The following RORB variants were observed in gnomAD, a reference collection of about 807,000 sequenced individuals.
RORB encodes the protein RAR related orphan receptor B, also known as nuclear receptor ROR-beta.
A neutral mutation model predicts 59.1 loss-of-function variants in RORB; 6 were observed. That is an observed-to-expected ratio of 0.10 (90% confidence interval 0.06 to 0.20). The LOEUF (loss-of-function observed/expected upper bound fraction) is 0.20, where lower values mean the gene tolerates loss of function less well. Among genes scored for constraint, RORB ranks in the 10% least tolerant of loss-of-function variants. The probability of loss-of-function intolerance (pLI) is 1.00; values close to 1 mark genes in which losing one functional copy is unlikely to be tolerated. For synonymous variants in RORB, 215 were observed against 204.5 expected, an observed-to-expected ratio of 1.05 and a Z score of -0.44; for missense variants, 320 against 560.5, an observed-to-expected ratio of 0.57 and a Z score of 4.33.
intron 4 of RORB, among the ~76,000 whole-genome samples, chr9:74,654,224 T>TA (rs766529413): frequency 4.6e-5 from 7 of 152,218 alleles, no homozygotes; most frequent in Non-Finnish European, 1.0e-4. Flanking sequence ...AATCATGCTG[T>TA]AAATCCTTAC....
At chr9:74,549,167 C>T (rs1826549363) in intron 1 of RORB, among the ~76,000 whole-genome samples, 1 of 152,116 alleles carries the variant, frequency 6.6e-6, no homozygotes, top group Non-Finnish European at 1.5e-5. Context: ...GCTTGTCAGC[C>T]GGCTGCAGTG....
chr9:74,499,409 A>G (rs376212496), intron 1 of RORB, among the ~76,000 whole-genome samples: 1 of 152,094 alleles, frequency 6.6e-6, no homozygotes, highest in Admixed American at 6.5e-5. Flanking sequence ...CCTGGACTCA[A>G]GGGTTTGCTG....
intron 1 of RORB, among the ~76,000 whole-genome samples, chr9:74,567,898 A>G (rs1187643123): frequency 2.0e-5 from 3 of 152,256 alleles, no homozygotes; most frequent in Non-Finnish European, 2.9e-5. Flanking sequence ...GGAAGCATCA[A>G]GAACTGCCAG....
intron 1 of RORB, among the ~76,000 whole-genome samples, chr9:74,579,829 G>A (rs980962000): frequency 5.3e-5 from 8 of 152,146 alleles, no homozygotes; most frequent in African/African-American, 1.4e-4. Context: ...AGAACATTGC[G>A]AGAGCAAGAG....
At chr9:74,669,632 T>C (rs1262353138) in intron 8 of RORB, among the ~76,000 whole-genome samples, 1 of 152,098 alleles carries the variant, frequency 6.6e-6, no homozygotes, top group Non-Finnish European at 1.5e-5. Context: ...TGGTTACATT[T>C]TGGGTTAAGG....
At chr9:74,517,808 G>C (rs1049477920) in intron 1 of RORB, among the ~76,000 whole-genome samples, 1 of 151,896 alleles carries the variant, frequency 6.6e-6, no homozygotes, top group African/African-American at 2.4e-5. Flanking sequence ...ACATTCCCTG[G>C]CATTAGTCTA....
chr9:74,692,503 C>G lies in RORB; in HGVS notation c.*6885C>G, dbSNP rs913676058. 1 of 152,156 alleles carries G rather than the reference C, an allele frequency of 6.6e-6. No homozygotes were observed. The highest frequency in any genetic ancestry group is 2.4e-5 in the African/African-American group (1 of 41,436). The allele number at this position is 152,156 out of a possible 1,614,324, so 9.4% of individuals were successfully genotyped here. A position where few individuals can be genotyped will look rare whatever the true frequency, so the allele number is the denominator to read the frequency against. On this transcript the variant is annotated 3_prime_UTR_variant, in exon 10 of 10. Coordinates refer to ENST00000376896, the MANE Select transcript of RORB (RefSeq NM_006914.4). ...TAAAGTGAAGAGTGATTCTAAGTCCCGTGAAACCGTGGGCTGCCTGGGGCT... is the reference window on the plus strand; with the variant it reads ...TAAAGTGAAGAGTGATTCTAAGTCCGGTGAAACCGTGGGCTGCCTGGGGCT...
chr9:74,612,400 T>A (rs1008569762), intron 1 of RORB, among the ~76,000 whole-genome samples: 5 of 152,012 alleles, frequency 3.3e-5, no homozygotes, highest in African/African-American at 1.2e-4. Flanking sequence ...CTTGGGTTTG[T>A]TTTGTGGAAC....
chr9:74,624,558 G>A (rs1823479044), intron 1 of RORB, among the ~76,000 whole-genome samples: 1 of 152,210 alleles, frequency 6.6e-6, no homozygotes, highest in South Asian at 2.1e-4. Context: ...TGGGGCTACT[G>A]TCTGATGAAT....
chr9:74,670,548 T>C lies in RORB; in HGVS notation c.1112-1241T>C, dbSNP rs528866377. 4.6e-5 allele frequency among the ~76,000 whole-genome samples: 7 copies of C among 152,314 alleles called. No homozygotes were observed. In the East Asian group the frequency reaches 1.2e-3, roughly 25 times the overall value. Reference sequence around the variant, plus strand: ...TTAAATTCTGAGAAGTTTGGAAGCATGCAATTTGTTTTACTCTACCTAGTG... The same window carrying C: ...TTAAATTCTGAGAAGTTTGGAAGCACGCAATTTGTTTTACTCTACCTAGTG... On this transcript the variant is annotated intron_variant, in intron 8 of 9. Transcript: ENST00000376896.
intron 1 of RORB, among the ~76,000 whole-genome samples, chr9:74,557,501 C>A (rs765567627): frequency 6.6e-6 from 1 of 152,112 alleles, no homozygotes; most frequent in South Asian, 2.1e-4. Flanking sequence ...TTAATAAATT[C>A]TTTAATTGTT....
At chr9:74,502,756 C>G (rs111695022) in intron 1 of RORB, among the ~76,000 whole-genome samples, 3,168 of 152,110 alleles carry the variant, frequency 0.021, 65 homozygotes, top group African/African-American at 0.045. Flanking sequence ...AGCCTTACGA[C>G]TAAACATATT....
At chr9:74,548,763 A>G (rs1826543100) in intron 1 of RORB, among the ~76,000 whole-genome samples, 1 of 152,222 alleles carries the variant, frequency 6.6e-6, no homozygotes, top group African/African-American at 2.4e-5. Flanking sequence ...ATGTCAGTGA[A>G]TTCTCTTCCA....
At chr9:74,527,160 T>C (rs1826166944) in intron 1 of RORB, among the ~76,000 whole-genome samples, 1 of 152,026 alleles carries the variant, frequency 6.6e-6, no homozygotes, top group South Asian at 2.1e-4. Flanking sequence ...CATTTTTCAG[T>C]GTGAAAGGAC....
intron 1 of RORB, among the ~76,000 whole-genome samples, chr9:74,508,727 T>C (rs1357835945): frequency 6.6e-6 from 1 of 152,066 alleles, no homozygotes; most frequent in African/African-American, 2.4e-5. Flanking sequence ...ATTCCTTAGA[T>C]ACTATTTGTT....
At chr9:74,573,478 A>C (rs1003668887) in intron 1 of RORB, among the ~76,000 whole-genome samples, 13 of 152,000 alleles carry the variant, frequency 8.6e-5, no homozygotes, top group Non-Finnish European at 1.6e-4. Flanking sequence ...AAAAAAAAAA[A>C]AAAAAAACTG....
At chr9:74,616,716 A>C (rs998931951) in intron 1 of RORB, among the ~76,000 whole-genome samples, 1 of 152,180 alleles carries the variant, frequency 6.6e-6, no homozygotes, top group Non-Finnish European at 1.5e-5. Flanking sequence ...GCAGGGGCTC[A>C]CAGGTGAACA....
At chr9:74,650,895 T>C (rs1269788880) in intron 4 of RORB, among the ~76,000 whole-genome samples, 2 of 152,216 alleles carry the variant, frequency 1.3e-5, no homozygotes, top group Non-Finnish European at 2.9e-5. Context: ...AGAAATGCAT[T>C]GACTAAACAT....
chr9:74,520,148 G>GAA (rs542821218), intron 1 of RORB, among the ~76,000 whole-genome samples: 2 of 149,068 alleles, frequency 1.3e-5, no homozygotes, highest in Admixed American at 6.7e-5. Flanking sequence ...AGAAAAGAAA[G>GAA]AAAAAAAAAA....
Sources: allele counts gnomAD v4.1 joint callset (sites outside exome capture counted in the v4.1 genomes callset), GRCh38; gene constraint gnomAD v4.1.1; transcripts MANE v1.5; gene names NCBI Gene and HGNC (gene_info 2026-07-23, HGNC 2026-07-21).